Variants in PGM5 observed in about 807,000 individuals in gnomAD.
PGM5 encodes the protein phosphoglucomutase-like protein 5.
Under a neutral mutation model 59.2 loss-of-function variants are expected in PGM5, and 23 were observed. The ratio of observed to expected loss-of-function variants is 0.39; its 90% confidence interval spans 0.28 to 0.55. PGM5 has a LOEUF of 0.55. Ranked by LOEUF, PGM5 falls within the 20% of genes least tolerant of loss-of-function variation. The probability of loss-of-function intolerance (pLI) is 0.66; values close to 1 mark genes in which losing one functional copy is unlikely to be tolerated. For synonymous variants in PGM5, 214 were observed against 286.0 expected, an observed-to-expected ratio of 0.75 and a Z score of 2.54; for missense variants, 574 against 748.3, an observed-to-expected ratio of 0.77 and a Z score of 2.72.
intron 10 of PGM5, among the ~76,000 whole-genome samples, chr9:68,504,255 A>G (rs924281547): frequency 6.6e-6 from 1 of 152,110 alleles, no homozygotes; most frequent in Admixed American, 6.6e-5. Flanking sequence ...CCTCCTGTGC[A>G]CTCCTCCAAA....
At chr9:68,478,225 G>C (rs1824136140) in intron 7 of PGM5, among the ~76,000 whole-genome samples, 1 of 152,232 alleles carries the variant, frequency 6.6e-6, no homozygotes, top group African/African-American at 2.4e-5. Flanking sequence ...ACAGGAAGCT[G>C]GTCATTTAGA....
intron 2 of PGM5, 107 bp from the exon 3 acceptor site, chr9:68,384,291 G>T: frequency 1.4e-6 from 1 of 737,004 alleles, no homozygotes; most frequent in Non-Finnish European, 2.4e-6. Context: ...TCATTGTTTA[G>T]AGAACAAATG....
At chr9:68,381,661 A>ACACAC (rs1563986886) in intron 2 of PGM5, among the ~76,000 whole-genome samples, 13 of 139,748 alleles carry the variant, frequency 9.3e-5, no homozygotes, top group African/African-American at 2.8e-4. Flanking sequence ...CACACACACA[A>ACACAC]ACACACACAC....
intron 10 of PGM5, among the ~76,000 whole-genome samples, chr9:68,518,419 TCAACAGAAA>T (rs1824853452): frequency 6.6e-6 from 1 of 152,258 alleles, no homozygotes; most frequent in South Asian, 2.1e-4. Context: ...CATACCAGAA[TCAACAGAAA>T]CAACATACCA....
chr9:68,470,910 C>T (rs1442639753), intron 7 of PGM5, among the ~76,000 whole-genome samples: 1 of 152,158 alleles, frequency 6.6e-6, no homozygotes, highest in African/African-American at 2.4e-5. Flanking sequence ...TGATTGACAC[C>T]CCCGTGAGCC....
chr9:68,363,166 G>A (rs1235902896), intron 1 of PGM5, among the ~76,000 whole-genome samples: 3 of 151,930 alleles, frequency 2.0e-5, no homozygotes, highest in African/African-American at 4.8e-5. Context: ...CACTGCGCCC[G>A]GCCGTTTCTG....
At chr9:68,525,123 T>A (rs1048037358) in intron 10 of PGM5, among the ~76,000 whole-genome samples, 1 of 151,946 alleles carries the variant, frequency 6.6e-6, no homozygotes, top group Admixed American at 6.6e-5. Flanking sequence ...GAGAGAAGAG[T>A]TTGGGGTTTA....
Position 68,480,368 on chromosome 9 carries a change from A to G in PGM5, c.1295+815A>G, listed in dbSNP as rs141594717. ...AGCTGGCACCCCTTGAAGGAACCTCATGGTTCAAGAGCCCCAGATATTGTT... is the reference window on the plus strand; with the variant it reads ...AGCTGGCACCCCTTGAAGGAACCTCGTGGTTCAAGAGCCCCAGATATTGTT... On this transcript the variant is annotated intron_variant, in intron 8 of 10. Coordinates refer to ENST00000396396, the MANE Select transcript of PGM5 (RefSeq NM_021965.4). 5.9e-5 allele frequency among the ~76,000 whole-genome samples: 9 copies of G among 152,288 alleles called. No individual in the cohort carries two copies. In the East Asian group the frequency reaches 1.7e-3, roughly 29 times the overall value.
At chr9:68,461,533 T>C (rs1823858682) in intron 6 of PGM5, among the ~76,000 whole-genome samples, 1 of 152,172 alleles carries the variant, frequency 6.6e-6, no homozygotes, top group African/African-American at 2.4e-5. Flanking sequence ...AATGTGATAG[T>C]ATTCAGAGAT....
At chr9:68,425,505 C>T (rs1823220651) in intron 6 of PGM5, among the ~76,000 whole-genome samples, 1 of 152,062 alleles carries the variant, frequency 6.6e-6, no homozygotes, top group South Asian at 2.1e-4. Flanking sequence ...ATCTTATATT[C>T]CTTAATGTAC....
chr9:68,438,150 G>A (rs956797473), intron 6 of PGM5, among the ~76,000 whole-genome samples: 1 of 151,732 alleles, frequency 6.6e-6, no homozygotes, highest in African/African-American at 2.4e-5. Flanking sequence ...TTAGCTGAGC[G>A]TGGTGGCACA....
intron 6 of PGM5, among the ~76,000 whole-genome samples, chr9:68,460,806 C>T (rs1406055921): frequency 1.3e-5 from 2 of 152,206 alleles, no homozygotes; most frequent in African/African-American, 4.8e-5. Context: ...ATTGAAGGAG[C>T]CATGAAGACA....
At chr9:68,444,086 T>C (rs1823573762) in intron 6 of PGM5, among the ~76,000 whole-genome samples, 1 of 151,074 alleles carries the variant, frequency 6.6e-6, no homozygotes, top group Admixed American at 6.6e-5. Flanking sequence ...TTTGGATCAC[T>C]TTGCAGTTGT....
intron 6 of PGM5, among the ~76,000 whole-genome samples, chr9:68,455,884 T>C (rs1426701330): frequency 6.6e-6 from 1 of 152,258 alleles, no homozygotes; most frequent in African/African-American, 2.4e-5. Context: ...TGAGATAATA[T>C]TGCAAGACAA....
chr9:68,393,805 G>A (rs1554679749), intron 6 of PGM5: 1 of 151,982 alleles, frequency 6.6e-6, no homozygotes, highest in African/African-American at 2.4e-5. Flanking sequence ...CAAAAGACCT[G>A]TATAATAATA....
intron 1 of PGM5, among the ~76,000 whole-genome samples, chr9:68,375,643 T>C (rs1333657364): frequency 6.6e-6 from 1 of 152,208 alleles, no homozygotes; most frequent in Non-Finnish European, 1.5e-5. Flanking sequence ...GTTCTTGGGA[T>C]ATAGCAGTGA....
At chr9:68,480,680 C>G (rs1319117398) in intron 8 of PGM5, among the ~76,000 whole-genome samples, 1 of 148,228 alleles carries the variant, frequency 6.7e-6, no homozygotes, top group Non-Finnish European at 1.5e-5. Flanking sequence ...GCCTGGGCAA[C>G]AGAGTGAGAC....
At chr9:68,358,340 G>A (rs1340474015) in intron 1 of PGM5, among the ~76,000 whole-genome samples, 4 of 151,898 alleles carry the variant, frequency 2.6e-5, no homozygotes, top group African/African-American at 9.7e-5. Context: ...TTTCCTCTCT[G>A]TCCTATAACT....
At chr9:68,409,971 G>A (rs1242972465) in intron 6 of PGM5, among the ~76,000 whole-genome samples, 3 of 152,082 alleles carry the variant, frequency 2.0e-5, no homozygotes, top group Admixed American at 6.5e-5. Context: ...TCAGGGCCTC[G>A]CTTTCCCCAT....
Sources: gnomAD v4.1 joint callset for allele counts (sites outside exome capture counted in the v4.1 genomes callset) on GRCh38, gnomAD v4.1.1 for gene constraint, MANE v1.5 for transcripts, NCBI Gene and HGNC (gene_info 2026-07-23, HGNC 2026-07-21) for gene names.